Variants in HIP1 observed in about 807,000 individuals in gnomAD.
The protein encoded by HIP1 is huntingtin interacting protein 1.
In HIP1, 65 loss-of-function variants were observed where a neutral mutation model predicts 147.6. That is an observed-to-expected ratio of 0.44 (90% confidence interval 0.36 to 0.54). HIP1 has a LOEUF of 0.54. Among genes scored for constraint, HIP1 ranks in the 20% least tolerant of loss-of-function variants. The pLI is 0.00. For missense variants in HIP1, 1,061 were observed against 1,299.6 expected (o/e 0.82, Z 2.82); for synonymous variants, 479 against 504.0 (o/e 0.95, Z 0.67).
intron 21 of HIP1, 131 bp from the exon 22 acceptor site, chr7:75,553,720 C>A: frequency 1.2e-6 from 1 of 808,404 alleles, no homozygotes; most frequent in Non-Finnish European, 1.9e-6. Flanking sequence ...ATTCTCCTGC[C>A]TCGGCCTCCC....
At chr7:75,668,363 C>T (rs557083321) in intron 1 of HIP1, among the ~76,000 whole-genome samples, 5 of 152,222 alleles carry the variant, frequency 3.3e-5, no homozygotes, top group South Asian at 2.1e-4. Context: ...TCACTCTTGT[C>T]GCCCAGGCTG....
chr7:75,554,553 C>A lies in HIP1; in HGVS notation c.1964-27G>T. The A allele has an allele frequency of 1.9e-6, 3 of 1,560,380 alleles. No individual in the cohort carries two copies. In the South Asian group the frequency reaches 3.3e-5, roughly 17 times the overall value. ...TGTGAGAGGGAACACAGGGCAAGGTCAGAGCAAGTTCTCATAGCTGGCTTC... is the reference window on the plus strand; with the variant it reads ...TGTGAGAGGGAACACAGGGCAAGGTAAGAGCAAGTTCTCATAGCTGGCTTC... On this transcript the variant is annotated intron_variant, in intron 19 of 30. Coordinates refer to ENST00000336926, the MANE Select transcript of HIP1 (RefSeq NM_005338.7).
chr7:75,627,004 T>C lies in HIP1; in HGVS notation c.121-27757A>G, dbSNP rs143469203. 1.4e-3 allele frequency: 219 copies of C among 152,350 alleles called. 3 individuals are homozygous for C. Among genetic ancestry groups the C allele is most frequent in the African/African-American group, 5.1e-3 (211 of 41,590 alleles). The allele number at this position is 152,350 out of a possible 1,614,324, so 9.4% of individuals were successfully genotyped here. ...TCTTTATTTTCTTTATACCTTTTCA[T>C]ATTTTCTGAAAAGTGGCAGAAGTTT... On this transcript the variant is annotated intron_variant, in intron 1 of 30. Transcript: ENST00000336926.
At chr7:75,639,098 CT>C in intron 1 of HIP1, 1 of 984,872 alleles carries the variant, frequency 1.0e-6, no homozygotes, top group Non-Finnish European at 1.2e-6. Context: ...CCCCCCACCC[CT>C]GGAGATCCCG....
intron 1 of HIP1, among the ~76,000 whole-genome samples, chr7:75,638,404 TC>T (rs1435397078): frequency 6.6e-6 from 1 of 151,622 alleles, no homozygotes; most frequent in Non-Finnish European, 1.5e-5. Flanking sequence ...GGAGGGCTTC[TC>T]TGGGGGAGGG....
intron 1 of HIP1, among the ~76,000 whole-genome samples, chr7:75,694,355 G>A (rs753703830): frequency 5.9e-5 from 9 of 152,068 alleles, no homozygotes; most frequent in Non-Finnish European, 1.0e-4. Flanking sequence ...CTGGGCATGC[G>A]TGGTCGGCAG....
rs782069943 is a variant in HIP1 at position 75,535,342 on chromosome 7, G to C, written c.*2830C>G. 5.2e-6 allele frequency: 1 copy of C among 193,620 alleles called. No individual in the cohort carries two copies. The highest frequency in any genetic ancestry group is 1.1e-5 in the Non-Finnish European group (1 of 92,938). The allele number at this position is 193,620 out of a possible 1,614,324, so 12.0% of individuals were successfully genotyped here. On this transcript the variant is annotated 3_prime_UTR_variant, in exon 31 of 31. Transcript: ENST00000336926. ...GCTCATTGCAGCCTCAAACTCCTGG[G>C]CTGGGCTCTGACACAGAATCTTTTT...
chr7:75,593,926 T>A (rs1353332591), intron 2 of HIP1, among the ~76,000 whole-genome samples: 8 of 151,608 alleles, frequency 5.3e-5, no homozygotes, highest in Non-Finnish European at 1.2e-4. Context: ...GAACCGCTTC[T>A]CCCCAGGCCT....
intron 12 of HIP1, 65 bp from the exon 13 acceptor site, chr7:75,561,466 G>T: frequency 1.9e-6 from 2 of 1,027,588 alleles, no homozygotes; most frequent in Non-Finnish European, 3.1e-6. Context: ...TTAATTGTGA[G>T]CTCAGGGGAG....
intron 1 of HIP1, among the ~76,000 whole-genome samples, chr7:75,664,929 T>C (rs1399083090): frequency 6.6e-6 from 1 of 152,068 alleles, no homozygotes; most frequent in Non-Finnish European, 1.5e-5. Context: ...TCCAGATACT[T>C]TCCATTTCAA....
At chr7:75,737,672 A>G (rs782014685) in intron 1 of HIP1, among the ~76,000 whole-genome samples, 2 of 152,190 alleles carry the variant, frequency 1.3e-5, no homozygotes, top group East Asian at 1.9e-4. Flanking sequence ...GAAAGATTCC[A>G]TATACAGAAC....
At chr7:75,609,638 ACCT>A (rs1797355334) in intron 1 of HIP1, among the ~76,000 whole-genome samples, 1 of 149,730 alleles carries the variant, frequency 6.7e-6, no homozygotes, top group Admixed American at 6.7e-5. Flanking sequence ...GCTCAGTGCA[ACCT>A]CCTCCTCCCT....
intron 1 of HIP1, among the ~76,000 whole-genome samples, chr7:75,695,838 G>A (rs922459965): frequency 2.6e-4 from 40 of 152,102 alleles, no homozygotes; most frequent in Middle Eastern, 3.4e-3. Context: ...GCCTCCCAAA[G>A]TGCTGGGATT....
Position 75,568,222 on chromosome 7 carries a change from G to A in HIP1, c.780C>T (p.Asp260=). The A allele has an allele frequency of 6.2e-7, 1 of 1,613,248 alleles. No individual in the cohort carries two copies. The stretch of plus-strand genomic sequence containing the variant: ...ACTTTGTAAACTGCTCCATGAAGCG[G>A]TCCCGGTGGCCTTGCAGGGTGTCAG... ...LPADTLQGHR[D]RFMEQFTKLK... The change falls in exon 9 of 31, where the codon GAC becomes GAT. Residue 260 remains aspartate (D), a synonymous_variant. Transcript: ENST00000336926. This position sits in a 1 kb window ranked among gnomAD's most constrained non-coding sequence, Gnocchi z 4.1.
At chr7:75,730,907 A>G (rs1988372) in intron 1 of HIP1, among the ~76,000 whole-genome samples, 42,963 of 149,338 alleles carry the variant, frequency 0.29, 6,405 homozygotes, top group East Asian at 0.47. Context: ...GCTAATTTTT[A>G]TATTTTTAGT....
chr7:75,539,279 C>A (rs1794209584), intron 30 of HIP1, 44 bp downstream of exon 30: 1 of 1,424,694 alleles, frequency 7.0e-7, no homozygotes, highest in Non-Finnish European at 9.9e-7. Context: ...ACACAGCTTC[C>A]CCTCCCTGCT....
intron 2 of HIP1, among the ~76,000 whole-genome samples, chr7:75,593,681 A>G (rs967631972): frequency 6.7e-6 from 1 of 150,216 alleles, no homozygotes; most frequent in Non-Finnish European, 1.5e-5. Flanking sequence ...CTCATCAAGG[A>G]CCTTGGTCCC....
At chr7:75,540,093 C>A (rs980917396) in intron 29 of HIP1, among the ~76,000 whole-genome samples, 2 of 152,156 alleles carry the variant, frequency 1.3e-5, no homozygotes, top group African/African-American at 4.8e-5. Context: ...TTGTCTAGCT[C>A]TACTTCTCAT....
At chr7:75,580,544 C>G (rs1795998135) in intron 7 of HIP1, among the ~76,000 whole-genome samples, 1 of 151,960 alleles carries the variant, frequency 6.6e-6, no homozygotes, top group Non-Finnish European at 1.5e-5. Context: ...TCAAGAACAG[C>G]CTGGGCAACA....
Sources: gnomAD v4.1 joint callset for allele counts (sites outside exome capture counted in the v4.1 genomes callset) on GRCh38, gnomAD v4.1.1 for gene constraint, Gnocchi (gnomAD v3.1) non-coding constraint, MANE v1.5 for transcripts, NCBI Gene and HGNC (gene_info 2026-07-23, HGNC 2026-07-21) for gene names.